PRKCH: variants seen among roughly 807,000 people sequenced by gnomAD.
PRKCH encodes the protein protein kinase C eta type.
PRKCH carries 28 observed loss-of-function variants against 82.5 expected under a neutral mutation model. The ratio of observed to expected loss-of-function variants is 0.34; its 90% CI spans 0.25 to 0.47. The LOEUF is 0.47. PRKCH is among the 20% of genes least tolerant of loss of function. PRKCH has a pLI of 1.00. For synonymous variants in PRKCH, 322 were observed against 327.4 expected (o/e 0.98, Z 0.18); for missense variants, 705 against 881.8 (o/e 0.80, Z 2.54).
At chr14:61,218,489 T>G (rs2044631113) in intron 1 of PRKCH, among the ~76,000 whole-genome samples, 1 of 152,154 alleles carries the variant, frequency 6.6e-6, no homozygotes, top group African/African-American at 2.4e-5. Flanking sequence ...TGAACCAGAT[T>G]TATGGGCACA....
intron 2 of PRKCH, among the ~76,000 whole-genome samples, chr14:61,441,825 A>AT (rs1883991167): frequency 6.6e-6 from 1 of 151,264 alleles, no homozygotes; most frequent in Non-Finnish European, 1.5e-5. Flanking sequence ...CTTTAAAAAA[A>AT]TTTTTTTAAG....
rs187381819 is a variant in PRKCH, at chr14:61,374,695, A to G, written c.364-16530A>G. 1.9e-3 allele frequency among the ~76,000 whole-genome samples: 284 copies of G among 152,114 alleles called. 3 individuals are homozygous for G. The highest frequency in any genetic ancestry group is 6.6e-3 in the African/African-American group (272 of 41,396). On this transcript the variant is annotated intron_variant, in intron 1 of 13. Transcript: ENST00000332981. Reference sequence around the variant, plus strand: ...TGGTTGAAGCTGGAGTGGCTGGGACACAGGATGTCAGGTCTCAAGGCTGTA... The same window carrying G: ...TGGTTGAAGCTGGAGTGGCTGGGACGCAGGATGTCAGGTCTCAAGGCTGTA...
intron 1 of PRKCH, among the ~76,000 whole-genome samples, chr14:61,368,949 G>T (rs1053471161): frequency 1.3e-5 from 2 of 152,016 alleles, no homozygotes; most frequent in Admixed American, 6.5e-5. Context: ...TCTAATATGT[G>T]CCAGGCACTG....
At chr14:61,392,801 C>G (rs191988836) in intron 2 of PRKCH, among the ~76,000 whole-genome samples, 38 of 149,210 alleles carry the variant, frequency 2.5e-4, no homozygotes, top group African/African-American at 7.8e-4. Context: ...TCAGAGATCT[C>G]TCTGTCATAG....
intron 1 of PRKCH, among the ~76,000 whole-genome samples, chr14:61,299,218 G>T (rs964260123): frequency 2.0e-5 from 3 of 152,188 alleles, no homozygotes; most frequent in Non-Finnish European, 4.4e-5. Context: ...AAATCCTCAT[G>T]GTGGTTCCAG....
intron 1 of PRKCH, among the ~76,000 whole-genome samples, chr14:61,210,633 T>C (rs1484410949): frequency 6.6e-6 from 1 of 152,128 alleles, no homozygotes; most frequent in African/African-American, 2.4e-5. Flanking sequence ...CCAGCCCTCA[T>C]TTTACAGATG....
rs930895673 is a variant in PRKCH, at chr14:61,321,608, C to G, written c.-494C>G. 2.6e-5 allele frequency: 4 copies of G among 153,090 alleles called. No individual in the cohort carries two copies. Among genetic ancestry groups the G allele is most frequent in the Admixed American group, 1.3e-4 (2 of 15,346 alleles). The allele number at this position is 153,090 out of a possible 1,614,324, so 9.5% of individuals were successfully genotyped here. A position where few individuals can be genotyped will look rare whatever the true frequency, so the allele number is the denominator to read the frequency against. Reference sequence around the variant, plus strand: ...ACTTGGAACCTGGCGGTGCGAGGTTCTCGCCGGGGATGCGGCGGCGGCAGC... The same window carrying G: ...ACTTGGAACCTGGCGGTGCGAGGTTGTCGCCGGGGATGCGGCGGCGGCAGC... On this transcript the variant is annotated 5_prime_UTR_variant, in exon 1 of 14. Transcript: ENST00000332981. The surrounding 1 kb of genome is among the most constrained non-coding windows in gnomAD (Gnocchi z 4.1).
At chr14:61,492,392 C>T (rs911221600) in intron 10 of PRKCH, 9 of 152,190 alleles carry the variant, frequency 5.9e-5, no homozygotes, top group Admixed American at 5.9e-4. Context: ...AGACCTCAAA[C>T]GTTGCTAAGG....
At position 61,549,681 on chromosome 14, in the gene PRKCH, G is replaced by A. The variant is rs1179774847; in HGVS notation, c.1906-4G>A. On this transcript the variant is annotated splice_region_variant and splice_polypyrimidine_tract_variant and intron_variant, in intron 13 of 13. Transcript: ENST00000332981. ...CACCCTTGTTTCCCTTTTTTTTTTGGCAGAAATCCCGAGAAGATGTCAGTA... is the reference window on the plus strand; with the variant it reads ...CACCCTTGTTTCCCTTTTTTTTTTGACAGAAATCCCGAGAAGATGTCAGTA... 1 of 1,595,372 alleles carries A rather than the reference G, an allele frequency of 6.3e-7. No individual in the cohort carries two copies. The highest frequency in any genetic ancestry group is 8.5e-7 in the Non-Finnish European group (1 of 1,175,356).
At chr14:61,198,631 T>C (rs978853351) in intron 1 of PRKCH, among the ~76,000 whole-genome samples, 24 of 152,232 alleles carry the variant, frequency 1.6e-4, no homozygotes, top group African/African-American at 5.1e-4. Context: ...GTGTGAAACA[T>C]AGTAGATGTT....
At chr14:61,411,714 A>T (rs1364271679) in intron 2 of PRKCH, among the ~76,000 whole-genome samples, 1 of 152,216 alleles carries the variant, frequency 6.6e-6, no homozygotes, top group Non-Finnish European at 1.5e-5. Flanking sequence ...AGAGAGACTA[A>T]GGCCACTAGA....
chr14:61,308,497 C>T (rs1476183697), intron 1 of PRKCH, among the ~76,000 whole-genome samples: 1 of 152,224 alleles, frequency 6.6e-6, no homozygotes. Context: ...TATATTATCA[C>T]ACCCATTGTA....
At chr14:61,517,483 T>C (rs939515672) in intron 10 of PRKCH, among the ~76,000 whole-genome samples, 2 of 152,206 alleles carry the variant, frequency 1.3e-5, no homozygotes. Flanking sequence ...CTAAGACGTC[T>C]GATTACTCTT....
intron 10 of PRKCH, among the ~76,000 whole-genome samples, chr14:61,514,476 A>G (rs1036048345): frequency 6.6e-6 from 1 of 152,096 alleles, no homozygotes; most frequent in African/African-American, 2.4e-5. Context: ...TGAGAGCCAC[A>G]GAGTATGCTG....
chr14:61,372,929 A>G (rs1007513475), intron 1 of PRKCH, among the ~76,000 whole-genome samples: 3 of 152,082 alleles, frequency 2.0e-5, no homozygotes, highest in Non-Finnish European at 4.4e-5. Context: ...GATAGGCCTC[A>G]ACTCATCATT....
At chr14:61,465,260 C>T (rs1885202606) in intron 9 of PRKCH, among the ~76,000 whole-genome samples, 1 of 152,140 alleles carries the variant, frequency 6.6e-6, no homozygotes, top group Non-Finnish European at 1.5e-5. Context: ...GCTTTTGTTG[C>T]CTGTGCTTTT....
chr14:61,357,075 T>C (rs371791294), intron 1 of PRKCH, among the ~76,000 whole-genome samples: 2 of 152,198 alleles, frequency 1.3e-5, no homozygotes, highest in Non-Finnish European at 2.9e-5. Context: ...TTCTAGAGAA[T>C]GGCAAGTCAT....
At chr14:61,390,394 G>A (rs752460390) in intron 1 of PRKCH, among the ~76,000 whole-genome samples, 14 of 152,210 alleles carry the variant, frequency 9.2e-5, no homozygotes, top group Non-Finnish European at 2.1e-4. Context: ...GTAGCAGTCC[G>A]ACACAGTGTC....
At chr14:61,430,722 A>G (rs566345397) in intron 2 of PRKCH, among the ~76,000 whole-genome samples, 1 of 151,560 alleles carries the variant, frequency 6.6e-6, no homozygotes, top group Admixed American at 6.6e-5. Flanking sequence ...GACTCCCAGT[A>G]GATAGAAAAC....
Sources: allele counts gnomAD v4.1 joint callset (sites outside exome capture counted in the v4.1 genomes callset), GRCh38; gene constraint gnomAD v4.1.1; non-coding constraint Gnocchi (gnomAD v3.1); transcripts MANE v1.5; gene names NCBI Gene and HGNC (gene_info 2026-07-23, HGNC 2026-07-21).